Variants in MARCHF10 observed in about 807,000 individuals in gnomAD.
The protein encoded by MARCHF10 is membrane associated ring-CH-type finger 10.
In MARCHF10, 64 loss-of-function variants were observed where a neutral mutation model predicts 76.2. The ratio of observed to expected loss-of-function variants is 0.84; its 90% CI spans 0.69 to 1.03. MARCHF10 has a LOEUF of 1.03. MARCHF10 is among the 50% of genes least tolerant of loss of function. The pLI is 0.00. For missense variants in MARCHF10, 875 were observed against 958.0 expected, an observed-to-expected ratio of 0.91 and a Z score of 1.14; for synonymous variants, 340 against 357.5, an observed-to-expected ratio of 0.95 and a Z score of 0.55.
chr17:62,800,711 G>A (rs2093057114), intron 2 of MARCHF10, among the ~76,000 whole-genome samples: 1 of 152,148 alleles, frequency 6.6e-6, no homozygotes, highest in East Asian at 1.9e-4. Flanking sequence ...GATTGGCAAG[G>A]GCTGAGGTCC....
In MARCHF10 at chr17:62,710,215, G is replaced by A. The variant is rs553813345; in HGVS notation, c.2328+1016C>T. Among the ~76,000 whole-genome samples the A allele has an allele frequency of 1.2e-4, 19 of 152,234 alleles. No homozygotes were observed. In the East Asian group the frequency reaches 2.1e-3, roughly 17 times the overall value. ...GCCATCTGTAACCTGTATCAACCCC[G>A]GATGCTTTGAAGTTCAGTGTGCAAT... On this transcript the variant is annotated intron_variant, in intron 9 of 10. Transcript: ENST00000311269.
intron 8 of MARCHF10, chr17:62,714,507 G>C (rs1246104385): frequency 5.6e-5 from 39 of 699,016 alleles, no homozygotes; most frequent in Non-Finnish European, 6.9e-5. Flanking sequence ...GGCAAGACCT[G>C]CATCTGTCTT....
At chr17:62,710,675 C>T (rs2147595360) in intron 9 of MARCHF10, among the ~76,000 whole-genome samples, 1 of 151,304 alleles carries the variant, frequency 6.6e-6, no homozygotes, top group Middle Eastern at 3.4e-3. Flanking sequence ...TCTCCTGCCT[C>T]AACCTCCCAA....
chr17:62,701,872 AC>A, intron 10 of MARCHF10, 114 bp from the exon 11 acceptor site: 1 of 1,383,606 alleles, frequency 7.2e-7, no homozygotes, highest in Non-Finnish European at 1.0e-6. Flanking sequence ...AGGCCCAGCC[AC>A]CCACATGGCC....
At chr17:62,789,118 T>C (rs911105574) in intron 2 of MARCHF10, among the ~76,000 whole-genome samples, 4 of 148,520 alleles carry the variant, frequency 2.7e-5, no homozygotes, top group African/African-American at 9.9e-5. Context: ...TAATAGCCAT[T>C]ACTTTAATAA....
At chr17:62,746,525 AG>A (rs1424068048) in intron 4 of MARCHF10, among the ~76,000 whole-genome samples, 2 of 152,084 alleles carry the variant, frequency 1.3e-5, no homozygotes, top group African/African-American at 4.8e-5. Context: ...TGAGGGAAGG[AG>A]GGAAGCATTT....
Position 62,801,628 on chromosome 17 carries a change from C to T in MARCHF10, c.90+18G>A. On this transcript the variant is annotated intron_variant, in intron 2 of 10. Transcript: ENST00000311269. ...CTGCAAGAGAAGGCAGAAGACCATT[C>T]TTGCTTTCTGCAATTACCTGATACT... 2 of 1,597,700 alleles carry T rather than the reference C, an allele frequency of 1.3e-6. No individual in the cohort carries two copies. The highest frequency in any genetic ancestry group is 8.6e-7 in the Non-Finnish European group (1 of 1,165,094).
intron 1 of MARCHF10, 80 bp from the exon 2 acceptor site, chr17:62,801,832 T>G: frequency 1.9e-6 from 2 of 1,031,102 alleles, no homozygotes; most frequent in Non-Finnish European, 3.1e-6. Context: ...TTCATCTAAT[T>G]GCTTTTATTT....
intron 9 of MARCHF10, among the ~76,000 whole-genome samples, chr17:62,709,170 T>C (rs1421246395): frequency 1.3e-5 from 2 of 152,116 alleles, no homozygotes; most frequent in Non-Finnish European, 2.9e-5. Flanking sequence ...GGATGACAAA[T>C]GATCACCACC....
chr17:62,754,931 C>T (rs2091997234), intron 4 of MARCHF10, among the ~76,000 whole-genome samples: 1 of 152,170 alleles, frequency 6.6e-6, no homozygotes, highest in South Asian at 2.1e-4. Context: ...TCAAATTTCT[C>T]TTTCAGGCTG....
chr17:62,790,259 T>C (rs552312673), intron 2 of MARCHF10, among the ~76,000 whole-genome samples: 7 of 152,112 alleles, frequency 4.6e-5, no homozygotes, highest in Non-Finnish European at 7.4e-5. Flanking sequence ...CACTGCAACC[T>C]CCACCGCCCT....
intron 10 of MARCHF10, chr17:62,704,960 T>TA (rs2089485814): frequency 3.1e-6 from 3 of 975,860 alleles, no homozygotes; most frequent in South Asian, 4.8e-5. Flanking sequence ...TTTTTTTTTT[T>TA]TAATGGAAAA....
chr17:62,720,860 ATTTT>A (rs56688878), intron 8 of MARCHF10, among the ~76,000 whole-genome samples: 1 of 88,034 alleles, frequency 1.1e-5, no homozygotes, highest in African/African-American at 4.5e-5. Context: ...GTAAGTTGTG[ATTTT>A]TTTTTTTTTT....
At chr17:62,715,910 G>A (rs2090168796) in intron 8 of MARCHF10, among the ~76,000 whole-genome samples, 1 of 152,156 alleles carries the variant, frequency 6.6e-6, no homozygotes, top group Non-Finnish European at 1.5e-5. Context: ...TCTGACGGGA[G>A]CCCCTCCACA....
At position 62,701,499 on chromosome 17, in the gene MARCHF10, G is replaced by T; in HGVS notation, c.*204C>A. The T allele has an allele frequency of 8.3e-7, 1 of 1,199,356 alleles. No homozygotes were observed. The highest frequency in any genetic ancestry group is 1.5e-5 in the South Asian group (1 of 66,898). 74.3% of individuals were successfully genotyped at this position (1,199,356 alleles called of 1,614,324 possible). ...CACAGTCCCACGCTGCTTGACCTGT[G>T]CTGTCTGGGACTAGACTGGTCGCTG... On this transcript the variant is annotated 3_prime_UTR_variant, in exon 11 of 11. Coordinates refer to ENST00000311269, the MANE Select transcript of MARCHF10 (RefSeq NM_152598.4).
Position 62,729,863 on chromosome 17 carries a change from C to G in MARCHF10, c.1938-4759G>C, listed in dbSNP as rs2090938135. Among the ~76,000 whole-genome samples, 3 of 146,380 alleles carry G rather than the reference C, an allele frequency of 2.0e-5. No individual in the cohort carries two copies. In the South Asian group the frequency reaches 6.6e-4, roughly 32 times the overall value. ...CACTGGAGTTAATGGCATGAGCCAC[C>G]ATGCTCAGCCCTCAAATATTTTTAA... On this transcript the variant is annotated intron_variant, in intron 6 of 10. Transcript: ENST00000311269.
At chr17:62,775,834 AGAG>A (rs1356668195) in intron 3 of MARCHF10, among the ~76,000 whole-genome samples, 1 of 151,956 alleles carries the variant, frequency 6.6e-6, no homozygotes, top group Non-Finnish European at 1.5e-5. Context: ...TTATTTATTT[AGAG>A]ACAGGATCTC....
chr17:62,713,564 G>A (rs2090040687), intron 8 of MARCHF10, among the ~76,000 whole-genome samples: 1 of 152,192 alleles, frequency 6.6e-6, no homozygotes, highest in South Asian at 2.1e-4. Flanking sequence ...CTCGACAAAG[G>A]GGCTCAGCCC....
intron 3 of MARCHF10, among the ~76,000 whole-genome samples, chr17:62,778,095 A>C (rs1011432836): frequency 5.9e-5 from 9 of 152,196 alleles, no homozygotes; most frequent in African/African-American, 2.2e-4. Context: ...AGACAGAAAG[A>C]TGTACCCCAT....
Sources: allele counts gnomAD v4.1 joint callset (sites outside exome capture counted in the v4.1 genomes callset), GRCh38; gene constraint gnomAD v4.1.1; transcripts MANE v1.5; gene names NCBI Gene and HGNC (gene_info 2026-07-23, HGNC 2026-07-21).